CSMD1: variants seen among roughly 807,000 people sequenced by gnomAD.
CSMD1 encodes CUB and sushi domain-containing protein 1.
CSMD1 carries 213 observed loss-of-function variants against 417.5 expected under a neutral mutation model. That is an observed-to-expected ratio of 0.51 (90% CI 0.46 to 0.57). The LOEUF is 0.57. Among genes scored for constraint, CSMD1 ranks in the 20% least tolerant of loss-of-function variants. The pLI is 0.00. For missense variants in CSMD1, 6,923 were observed against 4,529.7 expected (o/e 1.53, Z -15.17); for synonymous variants, 2,862 against 1,736.8 (o/e 1.65, Z -16.11).
At chr8:4,347,778 T>TA (rs1800857373) in intron 3 of CSMD1, among the ~76,000 whole-genome samples, 2 of 152,168 alleles carry the variant, frequency 1.3e-5, no homozygotes, top group African/African-American at 4.8e-5. Flanking sequence ...GGATAAAGTT[T>TA]TAGTAACTCT....
chr8:4,763,210 C>T (rs1812229434), intron 1 of CSMD1, among the ~76,000 whole-genome samples: 1 of 152,180 alleles, frequency 6.6e-6, no homozygotes, highest in African/African-American at 2.4e-5. Flanking sequence ...GACTTCAAAA[C>T]TGTTATTCCG....
At chr8:4,896,616 C>A (rs1460553187) in intron 1 of CSMD1, among the ~76,000 whole-genome samples, 1 of 151,934 alleles carries the variant, frequency 6.6e-6, no homozygotes, top group Non-Finnish European at 1.5e-5. Flanking sequence ...ATTCTGAGTC[C>A]CAGTGGAAAA....
chr8:4,465,752 T>A (rs1419402798), intron 2 of CSMD1, among the ~76,000 whole-genome samples: 3 of 152,118 alleles, frequency 2.0e-5, no homozygotes, highest in South Asian at 4.1e-4. Flanking sequence ...AGTTTGTAGG[T>A]CATCTATTAT....
At chr8:4,232,472 T>A (rs1195325184) in intron 3 of CSMD1, among the ~76,000 whole-genome samples, 2 of 152,178 alleles carry the variant, frequency 1.3e-5, no homozygotes, top group Admixed American at 1.3e-4. Context: ...GTGCTGGGAT[T>A]ACAGGCATGA....
chr8:3,635,544 C>T (rs868588801), intron 7 of CSMD1, among the ~76,000 whole-genome samples: 16 of 145,516 alleles, frequency 1.1e-4, no homozygotes, highest in East Asian at 2.1e-4. Flanking sequence ...AGTGCAGTGG[C>T]GCGATCTCAG....
chr8:3,273,931 G>C (rs565042863), intron 26 of CSMD1, among the ~76,000 whole-genome samples: 1 of 151,898 alleles, frequency 6.6e-6, no homozygotes, highest in East Asian at 1.9e-4. Flanking sequence ...ATTTCCTTCA[G>C]TTCTACTCTG....
Position 3,274,834 on chromosome 8 carries a change from G to C in CSMD1, c.4153+9310C>G, listed in dbSNP as rs190262919. 8.2e-3 allele frequency among the ~76,000 whole-genome samples: 1,254 copies of C among 152,260 alleles called. 4 individuals are homozygous for C. The highest frequency in any genetic ancestry group is 0.013 in the Admixed American group (205 of 15,302). The stretch of plus-strand genomic sequence containing the variant: ...AGCCTATGTGTGTCTGTACCCGTGA[G>C]ATGTGTTTCCTGAATAGTGCACACT... On this transcript the variant is annotated intron_variant, in intron 26 of 69. Transcript: ENST00000635120.
intron 1 of CSMD1, among the ~76,000 whole-genome samples, chr8:4,870,277 TA>T (rs1802660381): frequency 6.6e-6 from 1 of 152,148 alleles, no homozygotes; most frequent in Admixed American, 6.5e-5. Context: ...TATAACTTTT[TA>T]TATATGGGTA....
At chr8:4,428,763 A>T (rs560849388) in intron 2 of CSMD1, among the ~76,000 whole-genome samples, 1 of 152,254 alleles carries the variant, frequency 6.6e-6, no homozygotes, top group Non-Finnish European at 1.5e-5. Context: ...TTTGTCGCCC[A>T]GGCTGGAGTG....
At chr8:4,068,549 C>A (rs1477163864) in intron 3 of CSMD1, among the ~76,000 whole-genome samples, 1 of 152,120 alleles carries the variant, frequency 6.6e-6, no homozygotes. Context: ...TAAAATGTAT[C>A]CTCTGGAGGC....
chr8:4,377,963 T>A (rs1802861497), intron 3 of CSMD1, among the ~76,000 whole-genome samples: 2 of 152,198 alleles, frequency 1.3e-5, no homozygotes, highest in South Asian at 4.1e-4. Flanking sequence ...TTATAGCAAA[T>A]GATAGAATTG....
intron 1 of CSMD1, among the ~76,000 whole-genome samples, chr8:4,952,001 T>C (rs1808784458): frequency 6.6e-6 from 1 of 151,134 alleles, no homozygotes; most frequent in Admixed American, 6.6e-5. Context: ...TCTTAAAAGG[T>C]TTTAATTATA....
intron 3 of CSMD1, among the ~76,000 whole-genome samples, chr8:4,201,904 G>T (rs1799670966): frequency 6.8e-6 from 1 of 147,002 alleles, no homozygotes; most frequent in Non-Finnish European, 1.5e-5. Flanking sequence ...GGGGGGCGCT[G>T]CATTCATTTG....
At chr8:4,335,442 A>T (rs935589721) in intron 3 of CSMD1, among the ~76,000 whole-genome samples, 3 of 152,120 alleles carry the variant, frequency 2.0e-5, no homozygotes, top group African/African-American at 7.2e-5. Flanking sequence ...TCGTTACTAG[A>T]ATCATTTATT....
chr8:4,418,400 C>T (rs1025974261), intron 3 of CSMD1, among the ~76,000 whole-genome samples: 2 of 151,996 alleles, frequency 1.3e-5, no homozygotes, highest in Non-Finnish European at 2.9e-5. Context: ...AGAAATAGCC[C>T]AGAAATATTT....
At chr8:4,635,338 G>C (rs531532533) in intron 2 of CSMD1, among the ~76,000 whole-genome samples, 4 of 152,024 alleles carry the variant, frequency 2.6e-5, no homozygotes, top group Admixed American at 2.6e-4. Flanking sequence ...TTCCGCTGTC[G>C]ATCCTGTTAT....
At chr8:3,260,732 T>G (rs1247721308) in intron 26 of CSMD1, among the ~76,000 whole-genome samples, 1 of 151,716 alleles carries the variant, frequency 6.6e-6, no homozygotes, top group African/African-American at 2.4e-5. Flanking sequence ...ACCTCAAGAG[T>G]TAGGCAAGGG....
intron 10 of CSMD1, among the ~76,000 whole-genome samples, chr8:3,540,790 A>G (rs971528053): frequency 3.3e-5 from 5 of 152,294 alleles, no homozygotes; most frequent in African/African-American, 1.2e-4. Context: ...AAAGCTCAAC[A>G]TCACTGATAA....
chr8:4,151,374 T>G (rs1190691492), intron 3 of CSMD1, among the ~76,000 whole-genome samples: 1 of 152,186 alleles, frequency 6.6e-6, no homozygotes, highest in Non-Finnish European at 1.5e-5. Context: ...ACAATTCAGT[T>G]TCTAGATCCT....
Sources: allele counts gnomAD v4.1 joint callset (sites outside exome capture counted in the v4.1 genomes callset), GRCh38; gene constraint gnomAD v4.1.1; transcripts MANE v1.5; gene names NCBI Gene and HGNC (gene_info 2026-07-23, HGNC 2026-07-21).